The following STARD13 variants were observed in gnomAD, a reference collection of about 807,000 sequenced individuals.
The protein encoded by STARD13 is StAR related lipid transfer domain containing 13.
STARD13 carries 62 observed loss-of-function variants against 106.4 expected under a neutral mutation model. The ratio of observed to expected loss-of-function variants is 0.58; its 90% CI spans 0.48 to 0.72. The LOEUF (loss-of-function observed/expected upper bound fraction) is 0.72. STARD13 is among the 30% of genes least tolerant of loss of function. STARD13 has a pLI of 0.00. For missense variants in STARD13, 1,387 were observed against 1,424.0 expected (o/e 0.97, Z 0.42); for synonymous variants, 565 against 553.0 (o/e 1.02, Z -0.31).
the STARD13 span, among the ~76,000 whole-genome samples, chr13:33,523,479 C>T: frequency 4.6e-5 from 7 of 152,172 alleles, no homozygotes; most frequent in East Asian, 1.2e-3. Context: ...GACAAGGCAT[C>T]ATAAAATCAA....
the STARD13 span, among the ~76,000 whole-genome samples, chr13:33,376,936 G>T: frequency 1.3e-5 from 2 of 152,192 alleles, no homozygotes; most frequent in Non-Finnish European, 1.5e-5. Context: ...CAGGCCTGGG[G>T]CCACTGTGGG....
At chr13:33,160,878 T>A (rs1213707594) in intron 3 of STARD13, among the ~76,000 whole-genome samples, 1 of 152,192 alleles carries the variant, frequency 6.6e-6, no homozygotes, top group Non-Finnish European at 1.5e-5. Flanking sequence ...AAAGTTAAAA[T>A]AAACTTATCA....
intron 1 of STARD13, among the ~76,000 whole-genome samples, chr13:33,201,280 G>C (rs911822329): frequency 6.6e-6 from 1 of 152,038 alleles, no homozygotes; most frequent in Non-Finnish European, 1.5e-5. Context: ...CTCCCACACT[G>C]AGCACAGATG....
the STARD13 span, among the ~76,000 whole-genome samples, chr13:33,377,859 A>G: frequency 1.3e-5 from 2 of 152,190 alleles, no homozygotes; most frequent in African/African-American, 4.8e-5. Context: ...CACCCAGCAG[A>G]GGAAAACAGG....
chr13:33,669,040 T>A, the STARD13 span, among the ~76,000 whole-genome samples: 2 of 152,218 alleles, frequency 1.3e-5, no homozygotes, highest in Admixed American at 1.3e-4. Context: ...TTCCCAAAAC[T>A]GGCAAGTGGC....
At chr13:33,198,925 A>G (rs1886822921) in intron 1 of STARD13, among the ~76,000 whole-genome samples, 1 of 152,224 alleles carries the variant, frequency 6.6e-6, no homozygotes, top group Admixed American at 6.5e-5. Flanking sequence ...ATTAAATAGC[A>G]TCTAAAACCC....
the STARD13 span, among the ~76,000 whole-genome samples, chr13:33,676,421 C>A: frequency 6.6e-5 from 10 of 152,192 alleles, no homozygotes; most frequent in African/African-American, 2.2e-4. Flanking sequence ...CTGGACACTT[C>A]CACACATGTG....
chr13:33,479,032 G>T, the STARD13 span, among the ~76,000 whole-genome samples: 1 of 152,062 alleles, frequency 6.6e-6, no homozygotes, highest in Non-Finnish European at 1.5e-5. Context: ...TATAAGTAGG[G>T]AAAAAATCCA....
intron 1 of STARD13, among the ~76,000 whole-genome samples, chr13:33,316,255 C>A (rs897439053): frequency 6.6e-6 from 1 of 151,454 alleles, no homozygotes; most frequent in African/African-American, 2.5e-5. Flanking sequence ...AATATGCCTT[C>A]ACTTCTTCTT....
intron 1 of STARD13, chr13:33,335,318 A>C (rs1219109690): frequency 1.3e-5 from 2 of 152,234 alleles, no homozygotes; most frequent in Non-Finnish European, 2.9e-5. Flanking sequence ...ATTATCATTG[A>C]GACTCTGGGA....
chr13:33,172,543 G>A (rs969957628), intron 1 of STARD13, among the ~76,000 whole-genome samples: 2 of 152,174 alleles, frequency 1.3e-5, no homozygotes, highest in African/African-American at 4.8e-5. Flanking sequence ...TGCTGCCCAG[G>A]TTTGCAGGCC....
the STARD13 span, among the ~76,000 whole-genome samples, chr13:33,621,840 T>C: frequency 6.6e-6 from 1 of 151,666 alleles, no homozygotes; most frequent in Non-Finnish European, 1.5e-5. Context: ...GTCTCGCTCT[T>C]GTCATCCAGG....
chr13:33,350,641 C>A (rs2078068791), upstream of STARD13: 2 of 1,332,614 alleles, frequency 1.5e-6, no homozygotes, highest in Non-Finnish European at 9.6e-7. Flanking sequence ...AACCTCTGCG[C>A]TCGCCAACTC....
the STARD13 span, among the ~76,000 whole-genome samples, chr13:33,541,152 T>C: frequency 2.6e-5 from 4 of 151,888 alleles, no homozygotes; most frequent in Non-Finnish European, 5.9e-5. Flanking sequence ...ATATACGATG[T>C]AGAGAAAGAT....
chr13:33,499,992 A>T, the STARD13 span, among the ~76,000 whole-genome samples: 1 of 151,684 alleles, frequency 6.6e-6, no homozygotes, highest in Admixed American at 6.6e-5. Flanking sequence ...GGCCTAAAGC[A>T]ATCCTCCCAC....
At chr13:33,415,908 T>C in the STARD13 span, among the ~76,000 whole-genome samples, 2 of 152,234 alleles carry the variant, frequency 1.3e-5, no homozygotes, top group African/African-American at 4.8e-5. Context: ...TTTATCAGCC[T>C]GTAAAATTTT....
At chr13:33,316,332 C>T (rs1241897086) in intron 1 of STARD13, among the ~76,000 whole-genome samples, 1 of 152,118 alleles carries the variant, frequency 6.6e-6, no homozygotes, top group Non-Finnish European at 1.5e-5. Context: ...TGAAGTGTTC[C>T]CAGTCATCTG....
the STARD13 span, among the ~76,000 whole-genome samples, chr13:33,658,634 T>C: frequency 6.6e-6 from 1 of 152,248 alleles, no homozygotes; most frequent in Admixed American, 6.5e-5. Flanking sequence ...TACCAGAGAC[T>C]GTGATATTGC....
At chr13:33,535,205 A>C in the STARD13 span, among the ~76,000 whole-genome samples, 1 of 152,162 alleles carries the variant, frequency 6.6e-6, no homozygotes, top group African/African-American at 2.4e-5. Context: ...ACAAGAGCGA[A>C]ACTCTGTCTC....
Sources: allele counts gnomAD v4.1 joint callset (sites outside exome capture counted in the v4.1 genomes callset), GRCh38; gene constraint gnomAD v4.1.1; transcripts MANE v1.5; gene names NCBI Gene and HGNC (gene_info 2026-07-23, HGNC 2026-07-21).